Variants in CDH12 observed in about 807,000 individuals in gnomAD.
CDH12 encodes cadherin 12.
A neutral mutation model predicts 74.1 loss-of-function variants in CDH12; 41 were observed. The ratio of observed to expected loss-of-function variants is 0.55; its 90% confidence interval spans 0.43 to 0.72. The LOEUF is 0.72. Ranked by LOEUF, CDH12 falls within the 30% of genes least tolerant of loss-of-function variation. The pLI, the probability that CDH12 is intolerant of heterozygous loss-of-function variation, is 0.00. For synonymous variants in CDH12, 399 were observed against 355.0 expected (o/e 1.12, Z -1.39); for missense variants, 945 against 977.2 (o/e 0.97, Z 0.44).
At chr5:22,619,744 T>G (rs1212191259) in intron 1 of CDH12, among the ~76,000 whole-genome samples, 1 of 150,690 alleles carries the variant, frequency 6.6e-6, no homozygotes, top group African/African-American at 2.4e-5. Context: ...AAAAAAAAAG[T>G]CTCCACTGTT....
chr5:22,191,088 T>G (rs1339117821), intron 4 of CDH12, among the ~76,000 whole-genome samples: 1 of 152,190 alleles, frequency 6.6e-6, no homozygotes, highest in African/African-American at 2.4e-5. Flanking sequence ...CATCTCTGCA[T>G]TTTAGCTGCT....
At chr5:22,629,475 C>T (rs556202127) in intron 1 of CDH12, among the ~76,000 whole-genome samples, 96 of 152,114 alleles carry the variant, frequency 6.3e-4, no homozygotes, top group African/African-American at 2.2e-3. Flanking sequence ...ATCTATAAAT[C>T]TGATTTATTA....
At chr5:22,360,510 G>A (rs1276473540) in intron 3 of CDH12, among the ~76,000 whole-genome samples, 5 of 152,116 alleles carry the variant, frequency 3.3e-5, no homozygotes, top group Non-Finnish European at 7.4e-5. Context: ...ACAAGGAGGA[G>A]CTGGTACCAT....
intron 4 of CDH12, among the ~76,000 whole-genome samples, chr5:22,108,334 A>C (rs752563542): frequency 6.6e-6 from 1 of 152,230 alleles, no homozygotes; most frequent in Non-Finnish European, 1.5e-5. Context: ...TGAGTCCATT[A>C]AATCTCTTTC....
chr5:22,778,288 C>G (rs1055888520), intron 1 of CDH12, among the ~76,000 whole-genome samples: 1 of 152,130 alleles, frequency 6.6e-6, no homozygotes, highest in African/African-American at 2.4e-5. Flanking sequence ...CATTAATCAA[C>G]ACATTGTAAA....
intron 3 of CDH12, among the ~76,000 whole-genome samples, chr5:22,345,283 T>C (rs924514533): frequency 4.6e-5 from 7 of 152,194 alleles, no homozygotes; most frequent in African/African-American, 1.2e-4. Context: ...AGTTCTTTTT[T>C]ACAGAAAACA....
chr5:22,043,961 C>T (rs1203561344), intron 5 of CDH12, among the ~76,000 whole-genome samples: 1 of 152,060 alleles, frequency 6.6e-6, no homozygotes, highest in Admixed American at 6.5e-5. Context: ...TGGAAAAATA[C>T]CCCATGTTCA....
chr5:22,194,310 T>C (rs77896742), intron 4 of CDH12, among the ~76,000 whole-genome samples: 1 of 66,852 alleles, frequency 1.5e-5, no homozygotes, highest in Non-Finnish European at 3.6e-5. Flanking sequence ...TTTTCTTTCT[T>C]TTTTTTTTTT....
chr5:21,871,431 T>C (rs1751612077), intron 6 of CDH12, among the ~76,000 whole-genome samples: 1 of 152,076 alleles, frequency 6.6e-6, no homozygotes, highest in African/African-American at 2.4e-5. Flanking sequence ...TATTCTAGGG[T>C]ATGTAAAATA....
At chr5:22,179,684 ATAAAAATGAG>A (rs1208741760) in intron 4 of CDH12, among the ~76,000 whole-genome samples, 2 of 152,200 alleles carry the variant, frequency 1.3e-5, no homozygotes, top group African/African-American at 4.8e-5. Context: ...TTTGCACTGG[ATAAAAATGAG>A]TGGTGCCACA....
chr5:22,622,077 C>T (rs902048252), intron 1 of CDH12, among the ~76,000 whole-genome samples: 12 of 152,002 alleles, frequency 7.9e-5, no homozygotes, highest in Admixed American at 7.9e-4. Flanking sequence ...GCCAATTATA[C>T]ATTTATTAAG....
chr5:22,133,471 C>T (rs1746284031), intron 4 of CDH12, among the ~76,000 whole-genome samples: 1 of 152,094 alleles, frequency 6.6e-6, no homozygotes, highest in Admixed American at 6.6e-5. Flanking sequence ...TTCAGCCTTT[C>T]TGAGGCACTG....
intron 1 of CDH12, among the ~76,000 whole-genome samples, chr5:22,612,051 G>A (rs1034243349): frequency 2.6e-5 from 4 of 152,148 alleles, no homozygotes; most frequent in Admixed American, 1.3e-4. Flanking sequence ...ATTTGGTAAT[G>A]TATAAAATAC....
At chr5:22,452,178 CTAT>C (rs1368612424) in intron 2 of CDH12, among the ~76,000 whole-genome samples, 3 of 151,800 alleles carry the variant, frequency 2.0e-5, no homozygotes, top group African/African-American at 7.2e-5. Flanking sequence ...AACACAATTC[CTAT>C]TAAAATGTTA....
At chr5:21,881,940 C>T (rs1450841824) in intron 6 of CDH12, among the ~76,000 whole-genome samples, 2 of 152,082 alleles carry the variant, frequency 1.3e-5, no homozygotes, top group Non-Finnish European at 2.9e-5. Flanking sequence ...AGAAATCAGT[C>T]TAATATCCAG....
intron 3 of CDH12, among the ~76,000 whole-genome samples, chr5:22,303,227 A>G (rs148300646): frequency 7.1e-4 from 108 of 152,300 alleles, no homozygotes; most frequent in Non-Finnish European, 9.9e-4. Flanking sequence ...GAATTTAAAG[A>G]AGAAAAAGTG....
At chr5:22,271,040 A>T (rs1356216437) in intron 3 of CDH12, among the ~76,000 whole-genome samples, 1 of 152,104 alleles carries the variant, frequency 6.6e-6, no homozygotes, top group Non-Finnish European at 1.5e-5. Context: ...ATTTTTATAT[A>T]CCTTTTTTAA....
In CDH12 at chr5:21,751,655, A is replaced by G; in HGVS notation, c.*82T>C. The G allele has an allele frequency of 3.5e-6, 2 of 579,228 alleles. No individual in the cohort carries two copies. Among genetic ancestry groups the G allele is most frequent in the Non-Finnish European group, 5.7e-6 (2 of 353,098 alleles). 35.9% of individuals were successfully genotyped at this position (579,228 alleles called of 1,614,324 possible). A position where few individuals can be genotyped will look rare whatever the true frequency, so the allele number is the denominator to read the frequency against. Reference sequence around the variant, plus strand: ...GTTTGTGTGTGTGTGTGTGTGTGAGAGAGATTTCTATTAATATTTGTGTTT... The same window carrying G: ...GTTTGTGTGTGTGTGTGTGTGTGAGGGAGATTTCTATTAATATTTGTGTTT... On this transcript the variant is annotated 3_prime_UTR_variant, in exon 15 of 15. Transcript: ENST00000382254.
At chr5:21,976,491 A>AT (rs997248961) in intron 5 of CDH12, among the ~76,000 whole-genome samples, 1 of 150,448 alleles carries the variant, frequency 6.6e-6, no homozygotes, top group Non-Finnish European at 1.5e-5. Context: ...ATCATATATA[A>AT]TTTTCTAGTA....
Sources: gnomAD v4.1 joint callset for allele counts (sites outside exome capture counted in the v4.1 genomes callset) on GRCh38, gnomAD v4.1.1 for gene constraint, MANE v1.5 for transcripts, NCBI Gene and HGNC (gene_info 2026-07-23, HGNC 2026-07-21) for gene names.